Variants in SLC35D4 observed in about 807,000 individuals in gnomAD.
The protein encoded by SLC35D4 is UDP-N-acetylglucosamine transporter SLC35D4.
chr18:23,402,532 C>T, the SLC35D4 span, among the ~76,000 whole-genome samples: 1 of 152,142 alleles, frequency 6.6e-6, no homozygotes, highest in Non-Finnish European at 1.5e-5. Context: ...AGGCCAGGTG[C>T]AGTAACTCAC....
At chr18:23,242,559 T>A in the SLC35D4 span, among the ~76,000 whole-genome samples, 1 of 152,132 alleles carries the variant, frequency 6.6e-6, no homozygotes, top group Admixed American at 6.5e-5. Flanking sequence ...TCCCCCTCTT[T>A]ATGGGTGTGG....
the SLC35D4 span, among the ~76,000 whole-genome samples, chr18:23,366,550 G>A: frequency 1.3e-5 from 2 of 152,190 alleles, no homozygotes; most frequent in Non-Finnish European, 2.9e-5. Flanking sequence ...TGAGGTGCAG[G>A]CAATCAGTTG....
chr18:23,279,013 A>C, the SLC35D4 span, among the ~76,000 whole-genome samples: 2 of 98,368 alleles, frequency 2.0e-5, no homozygotes, highest in African/African-American at 1.4e-4. Flanking sequence ...ACCCCATCTC[A>C]AAAAAAAAAA....
At chr18:23,269,248 G>A in the SLC35D4 span, among the ~76,000 whole-genome samples, 8 of 152,154 alleles carry the variant, frequency 5.3e-5, no homozygotes, top group Non-Finnish European at 4.4e-5. Flanking sequence ...CATGGGAGTG[G>A]TTTACCCCAT....
the SLC35D4 span, chr18:23,373,560 C>T: frequency 7.6e-6 from 6 of 794,430 alleles, no homozygotes; most frequent in South Asian, 3.1e-5. Context: ...GTTGCCCAGG[C>T]CCAGAGCTAC....
chr18:23,299,689 C>A, the SLC35D4 span, among the ~76,000 whole-genome samples: 1 of 152,110 alleles, frequency 6.6e-6, no homozygotes, highest in Non-Finnish European at 1.5e-5. Context: ...CTGGGAGAAT[C>A]CCCCAAACAC....
the SLC35D4 span, among the ~76,000 whole-genome samples, chr18:23,313,044 T>G: frequency 7.1e-6 from 1 of 140,170 alleles, no homozygotes; most frequent in African/African-American, 2.6e-5. Context: ...GGAGAATCGC[T>G]GGAACCCGGG....
chr18:23,435,858 G>T, the SLC35D4 span, among the ~76,000 whole-genome samples: 1 of 151,990 alleles, frequency 6.6e-6, no homozygotes, highest in Non-Finnish European at 1.5e-5. Context: ...ACCATGCCTG[G>T]CTAATTTTTG....
At chr18:23,384,489 T>C in the SLC35D4 span, among the ~76,000 whole-genome samples, 1 of 152,244 alleles carries the variant, frequency 6.6e-6, no homozygotes, top group Non-Finnish European at 1.5e-5. Flanking sequence ...ATAGTTGCTG[T>C]GTTCTTCGAA....
At chr18:23,242,094 G>A in the SLC35D4 span, among the ~76,000 whole-genome samples, 1 of 152,122 alleles carries the variant, frequency 6.6e-6, no homozygotes, top group African/African-American at 2.4e-5. Context: ...TGACCAACGT[G>A]GTGAAACACC....
the SLC35D4 span, among the ~76,000 whole-genome samples, chr18:23,368,465 T>C: frequency 9.2e-5 from 14 of 152,292 alleles, no homozygotes; most frequent in South Asian, 2.9e-3. Flanking sequence ...AAACGTCCTT[T>C]AGCCTCACAG....
the SLC35D4 span, among the ~76,000 whole-genome samples, chr18:23,434,175 T>C: frequency 6.6e-6 from 1 of 152,136 alleles, no homozygotes. Context: ...CAGAGTCCCA[T>C]AATGTACAAC....
At chr18:23,260,612 G>C in the SLC35D4 span, 1 of 152,348 alleles carries the variant, frequency 6.6e-6, no homozygotes, top group Non-Finnish European at 1.5e-5. Flanking sequence ...TTAAGTGGGT[G>C]GGGTGGGGGG....
the SLC35D4 span, among the ~76,000 whole-genome samples, chr18:23,286,747 T>C: frequency 6.6e-6 from 1 of 151,944 alleles, no homozygotes; most frequent in Non-Finnish European, 1.5e-5. Context: ...CCAACTCTGG[T>C]GCCAACTTAG....
chr18:23,261,699 T>C, the SLC35D4 span, among the ~76,000 whole-genome samples: 1 of 152,254 alleles, frequency 6.6e-6, no homozygotes, highest in East Asian at 1.9e-4. Flanking sequence ...AGAACACTTT[T>C]GTACAGTATT....
chr18:23,251,961 C>G, the SLC35D4 span, among the ~76,000 whole-genome samples: 1 of 152,016 alleles, frequency 6.6e-6, no homozygotes, highest in Non-Finnish European at 1.5e-5. Flanking sequence ...TGGTGGGCGC[C>G]TGTATTTCCA....
chr18:23,377,662 G>C, the SLC35D4 span: 1 of 1,577,326 alleles, frequency 6.3e-7, no homozygotes, highest in Non-Finnish European at 8.6e-7. Flanking sequence ...ATCTTTGCAG[G>C]AGATGTTTTC....
At chr18:23,346,378 C>T in the SLC35D4 span, among the ~76,000 whole-genome samples, 4 of 152,136 alleles carry the variant, frequency 2.6e-5, no homozygotes, top group African/African-American at 4.8e-5. Flanking sequence ...CTTCAGTCTC[C>T]GAAAGTGCGA....
the SLC35D4 span, among the ~76,000 whole-genome samples, chr18:23,393,004 C>T: frequency 6.6e-6 from 1 of 152,072 alleles, no homozygotes; most frequent in African/African-American, 2.4e-5. Context: ...CAACCTCCGC[C>T]TCCCGGGTTC....
Sources: gnomAD v4.1 joint callset for allele counts (sites outside exome capture counted in the v4.1 genomes callset) on GRCh38, gnomAD v4.1.1 for gene constraint, MANE v1.5 for transcripts, NCBI Gene and HGNC (gene_info 2026-07-23, HGNC 2026-07-21) for gene names.